ITGAX: variants seen among roughly 807,000 people sequenced by gnomAD.
The protein encoded by ITGAX is integrin alpha-X.
In ITGAX, 99 loss-of-function variants were observed where a neutral mutation model predicts 140.2. The observed-to-expected ratio is 0.71, with a 90% CI of 0.60 to 0.83. ITGAX has a LOEUF of 0.83. Among genes scored for constraint, ITGAX ranks in the 40% least tolerant of loss-of-function variants. The probability of loss-of-function intolerance (pLI) is 0.00; values close to 1 mark genes in which losing one functional copy is unlikely to be tolerated. For synonymous variants in ITGAX, 631 were observed against 600.4 expected, an observed-to-expected ratio of 1.05 and a Z score of -0.75; for missense variants, 1,444 against 1,482.0, an observed-to-expected ratio of 0.97 and a Z score of 0.42.
chr16:31,382,563 A>G lies in ITGAX; in HGVS notation c.*656A>G. On this transcript the variant is annotated 3_prime_UTR_variant, in exon 30 of 30. Transcript: ENST00000268296. Reference sequence around the variant, plus strand: ...GGTGGGCTTCAGGGCGCACAGCATGAGAGGCTCTGTGCCCCCATCACCCTC... The same window carrying G: ...GGTGGGCTTCAGGGCGCACAGCATGGGAGGCTCTGTGCCCCCATCACCCTC... 1.2e-6 allele frequency: 1 copy of G among 839,526 alleles called. No individual in the cohort carries two copies. The highest frequency in any genetic ancestry group is 2.0e-6 in the Non-Finnish European group (1 of 510,170). 52.0% of individuals were successfully genotyped at this position (839,526 alleles called of 1,614,324 possible). A position where few individuals can be genotyped will look rare whatever the true frequency, so the allele number is the denominator to read the frequency against.
rs2080859990 is a variant in ITGAX, at chr16:31,363,449, G to C, written c.1710+75G>C. On this transcript the variant is annotated intron_variant, in intron 14 of 29. Transcript: ENST00000268296. ...TCCCACTCTGTCATACTGGAAAACT[G>C]TCCCTTTTTACCTTTTCCTACCTCC... The C allele has an allele frequency of 8.4e-6, 13 of 1,547,234 alleles. No homozygotes were observed. The South Asian group carries it at 1.2e-4, about 15-fold the overall frequency.
At chr16:31,375,466 T>A (rs1397719749) in intron 20 of ITGAX, among the ~76,000 whole-genome samples, 1 of 152,250 alleles carries the variant, frequency 6.6e-6, no homozygotes, top group Non-Finnish European at 1.5e-5. Flanking sequence ...AAAGCTTCTA[T>A]TGATACATTA....
chr16:31,377,271 C>A lies in ITGAX; in HGVS notation c.2789+6C>A, dbSNP rs1178661687. On this transcript the variant is annotated splice_donor_region_variant and intron_variant, in intron 23 of 29. Transcript: ENST00000268296. The stretch of plus-strand genomic sequence containing the variant: ...GTCTACACTGTGGTTAGCAGGTCAG[C>A]AGGTACCCCACTGCAGGAAAAAGGG... The A allele has an allele frequency of 3.1e-6, 5 of 1,605,996 alleles. No homozygotes were observed. Among genetic ancestry groups the A allele is most frequent in the African/African-American group, 1.4e-5 (1 of 73,252 alleles).
intron 18 of ITGAX, 42 bp downstream of exon 18, chr16:31,372,551 T>A: frequency 6.2e-7 from 1 of 1,613,754 alleles, no homozygotes; most frequent in Non-Finnish European, 8.5e-7. Flanking sequence ...GTGCACAGCG[T>A]GGGGCCTGGG....
intron 23 of ITGAX, 82 bp from the exon 24 acceptor site, chr16:31,379,486 C>T: frequency 7.4e-7 from 1 of 1,351,960 alleles, no homozygotes; most frequent in South Asian, 1.3e-5. Context: ...CCACCGACCA[C>T]CTGTCCTCTC....
chr16:31,358,376 T>C (rs920698319), intron 5 of ITGAX: 1 of 152,296 alleles, frequency 6.6e-6, no homozygotes, highest in African/African-American at 2.4e-5. Context: ...GAGGGTTGTT[T>C]GAGGCCTGGA....
intron 2 of ITGAX, 76 bp downstream of exon 2, chr16:31,356,074 C>A: frequency 9.5e-7 from 1 of 1,048,584 alleles, no homozygotes; most frequent in Non-Finnish European, 1.4e-6. Context: ...CCGGCCCTGC[C>A]CTGTTATTTG....
At position 31,376,991 on chromosome 16, in the gene ITGAX, T is replaced by C. The variant is rs549957334; in HGVS notation, c.2626-9T>C. 1.6e-4 allele frequency: 266 copies of C among 1,614,174 alleles called. 5 individuals are homozygous for C. In the South Asian group the frequency reaches 2.0e-3, roughly 12 times the overall value. On this transcript the variant is annotated splice_polypyrimidine_tract_variant and intron_variant, in intron 21 of 29. Transcript: ENST00000268296. ...ACTGCTCTGTGACCTCTCAGTTCCT[T>C]TTCCTCAGATCACCTTCTTGGCTAC...
chr16:31,360,591 C>A, intron 8 of ITGAX, 128 bp downstream of exon 8: 1 of 879,524 alleles, frequency 1.1e-6, no homozygotes, highest in Non-Finnish European at 1.7e-6. Flanking sequence ...GCAATCCTAG[C>A]TCACTGCAGC....
intron 14 of ITGAX, among the ~76,000 whole-genome samples, chr16:31,370,762 A>G (rs2080947261): frequency 6.6e-6 from 1 of 152,138 alleles, no homozygotes; most frequent in African/African-American, 2.4e-5. Flanking sequence ...AAGATGAGGA[A>G]ACGGAGGCAC....
At chr16:31,355,560 G>A (rs565564621) in intron 1 of ITGAX, among the ~76,000 whole-genome samples, 51 of 152,326 alleles carry the variant, frequency 3.3e-4, no homozygotes, top group Admixed American at 1.8e-3. Flanking sequence ...GGCAGAATGC[G>A]CCAACTTGTG....
rs563018675 is a variant in ITGAX, at chr16:31,359,340, AT to A, written c.431-355del. Among the ~76,000 whole-genome samples, 338 of 151,936 alleles carry A rather than the reference AT, an allele frequency of 2.2e-3. 6 individuals carry two copies. The highest frequency in any genetic ancestry group is 5.0e-4 in the Non-Finnish European group (34 of 67,970). On this transcript the variant is annotated intron_variant, in intron 5 of 29. Coordinates refer to ENST00000268296, the MANE Select transcript of ITGAX (RefSeq NM_000887.5). ...GCCACCACACCCACCTAATTTTTGT[AT>A]TTTTAGTAGAGACGGGGTTTCACCA...
Position 31,380,902 on chromosome 16 carries a change from A to G in ITGAX, c.3282A>G (p.Thr1094=), listed in dbSNP as rs767399343. ...GQEAFMRAQT[T]TVLEKYKVHN... ...CAGGGTCACTTCCACTTCAGACGAC[A>G]ACGGTGCTGGAGAAGTACAAGGTCC... Residue 1094 remains threonine, a synonymous_variant, in exon 29 of 30, where the codon ACA becomes ACG. Transcript: ENST00000268296. 1.2e-6 allele frequency: 2 copies of G among 1,614,010 alleles called. No individual in the cohort carries two copies. The highest frequency in any genetic ancestry group is 1.3e-5 in the African/African-American group (1 of 75,024).
chr16:31,371,366 T>G lies in ITGAX; in HGVS notation c.1874T>G (p.Met625Arg). The change falls in exon 16 of 30, where the codon ATG (methionine) becomes AGG (arginine). Residue 625 changes from methionine (M) to arginine (R), a missense_variant. Coordinates refer to ENST00000268296, the MANE Select transcript of ITGAX (RefSeq NM_000887.5). ...CCTGTGCTCTGGGTGGGGGTGAGCATGCAGTTCATACCTGCCGAGATCCCC... is the reference window on the plus strand; with the variant it reads ...CCTGTGCTCTGGGTGGGGGTGAGCAGGCAGTTCATACCTGCCGAGATCCCC... ...TRPVLWVGVS[M>R]QFIPAEIPRS... 1 of 1,614,148 alleles carries G rather than the reference T, an allele frequency of 6.2e-7. No individual in the cohort carries two copies. Among genetic ancestry groups the G allele is most frequent in the Non-Finnish European group, 8.5e-7 (1 of 1,180,028 alleles).
intron 7 of ITGAX, 51 bp from the exon 8 acceptor site, chr16:31,360,259 G>T (rs752143105): frequency 1.9e-6 from 3 of 1,559,212 alleles, no homozygotes; most frequent in South Asian, 1.2e-5. Flanking sequence ...GGGCACCAGG[G>T]GCTAGTGTGG....
intron 23 of ITGAX, 30 bp downstream of exon 23, chr16:31,377,295 G>T (rs988031711): frequency 2.6e-6 from 4 of 1,537,568 alleles, no homozygotes; most frequent in South Asian, 1.2e-5. Context: ...CAGGAAAAAG[G>T]GTTCTTCTCT....
rs576320335 is a variant in ITGAX at position 31,359,625 on chromosome 16, C to T, written c.431-75C>T. The T allele has an allele frequency of 7.8e-6, 12 of 1,547,352 alleles. No individual in the cohort carries two copies. The East Asian group carries it at 2.7e-4, about 35-fold the overall frequency. On this transcript the variant is annotated intron_variant, in intron 5 of 29. Transcript: ENST00000268296. ...GGAGGAAGGGTTTTGGGAGAGTGAGCTCTTGTGGCCAGGAGGCCACGGTCC... is the reference window on the plus strand; with the variant it reads ...GGAGGAAGGGTTTTGGGAGAGTGAGTTCTTGTGGCCAGGAGGCCACGGTCC...
intron 20 of ITGAX, 58 bp downstream of exon 20, chr16:31,373,448 G>T (rs1213877442): frequency 1.9e-6 from 3 of 1,545,556 alleles, no homozygotes; most frequent in Non-Finnish European, 2.6e-6. Flanking sequence ...AGATTCCCGT[G>T]CGGTTCAGAA....
intron 14 of ITGAX, among the ~76,000 whole-genome samples, chr16:31,365,452 CT>C (rs147439018): frequency 0.015 from 2,346 of 152,276 alleles, 55 homozygotes; most frequent in African/African-American, 0.053. Context: ...GCTGTGTGAT[CT>C]TTGACAGGTA....
Sources: allele counts gnomAD v4.1 joint callset (sites outside exome capture counted in the v4.1 genomes callset), GRCh38; gene constraint gnomAD v4.1.1; transcripts MANE v1.5; gene names NCBI Gene and HGNC (gene_info 2026-07-23, HGNC 2026-07-21).